Variants in SPATA17 observed in about 807,000 individuals in gnomAD.
SPATA17 encodes the protein spermatogenesis associated 17.
A neutral mutation model predicts 62.2 loss-of-function variants in SPATA17; 53 were observed. The ratio of observed to expected loss-of-function variants is 0.85; its 90% CI spans 0.68 to 1.07. The LOEUF (loss-of-function observed/expected upper bound fraction) is 1.07, where lower values mean the gene tolerates loss of function less well. SPATA17 is among the 50% of genes least tolerant of loss of function. The probability of loss-of-function intolerance (pLI) is 0.00; values close to 1 mark genes in which losing one functional copy is unlikely to be tolerated. For missense variants in SPATA17, 466 were observed against 425.5 expected (o/e 1.10, Z -0.84); for synonymous variants, 146 against 146.8 (o/e 0.99, Z 0.04).
At chr1:217,761,470 A>G (rs1265627620) in intron 6 of SPATA17, among the ~76,000 whole-genome samples, 2 of 152,170 alleles carry the variant, frequency 1.3e-5, no homozygotes, top group East Asian at 1.9e-4. Flanking sequence ...TCCAATATAC[A>G]TATACATATA....
intron 5 of SPATA17, among the ~76,000 whole-genome samples, chr1:217,687,752 T>A (rs2102909566): frequency 6.6e-6 from 1 of 152,308 alleles, no homozygotes; most frequent in Non-Finnish European, 1.5e-5. Flanking sequence ...TGTATCTCTG[T>A]CATTAGTTAA....
intron 5 of SPATA17, among the ~76,000 whole-genome samples, chr1:217,686,236 C>T (rs1344880787): frequency 6.6e-6 from 1 of 152,044 alleles, no homozygotes; most frequent in Non-Finnish European, 1.5e-5. Flanking sequence ...AAAATAAATA[C>T]TTTATAAAAC....
At chr1:217,768,650 A>G (rs1339776757) in intron 6 of SPATA17, among the ~76,000 whole-genome samples, 1 of 151,512 alleles carries the variant, frequency 6.6e-6, no homozygotes, top group Admixed American at 6.6e-5. Context: ...CCACCACCAC[A>G]CCCAGCTAAT....
At chr1:217,865,789 C>T (rs1675998893) in intron 10 of SPATA17, among the ~76,000 whole-genome samples, 1 of 152,178 alleles carries the variant, frequency 6.6e-6, no homozygotes, top group South Asian at 2.1e-4. Context: ...TCATGCATTA[C>T]AGGCTTCCCA....
At chr1:217,830,013 CCTAAA>C (rs1675096152) in intron 9 of SPATA17, among the ~76,000 whole-genome samples, 1 of 151,798 alleles carries the variant, frequency 6.6e-6, no homozygotes, top group African/African-American at 2.4e-5. Flanking sequence ...ATATGTATCC[CCTAAA>C]CTAATGTTGT....
chr1:217,661,146 A>G (rs1224514554), intron 3 of SPATA17, among the ~76,000 whole-genome samples: 1 of 152,162 alleles, frequency 6.6e-6, no homozygotes, highest in Admixed American at 6.6e-5. Context: ...AGGATTTTCT[A>G]CCTAATGAAA....
At chr1:217,824,257 A>G (rs1674935070) in intron 9 of SPATA17, among the ~76,000 whole-genome samples, 2 of 151,650 alleles carry the variant, frequency 1.3e-5, no homozygotes, top group East Asian at 1.9e-4. Context: ...TTACTATTTT[A>G]TTTACTTTGG....
chr1:217,850,845 G>A (rs954503169), intron 9 of SPATA17, among the ~76,000 whole-genome samples: 9 of 152,056 alleles, frequency 5.9e-5, no homozygotes, highest in Non-Finnish European at 1.2e-4. Flanking sequence ...TTACCATCTA[G>A]TGGATGAGAT....
chr1:217,638,653 G>C (rs1021901854), intron 1 of SPATA17, among the ~76,000 whole-genome samples: 8 of 152,180 alleles, frequency 5.3e-5, no homozygotes, highest in South Asian at 4.1e-4. Context: ...GGAAATGTTA[G>C]TTTGGAGGAA....
intron 5 of SPATA17, among the ~76,000 whole-genome samples, chr1:217,733,639 G>T (rs1400209338): frequency 6.6e-6 from 1 of 152,072 alleles, no homozygotes; most frequent in African/African-American, 2.4e-5. Context: ...AAACATATTT[G>T]TGAATACCTG....
At chr1:217,857,917 G>C (rs1675818252) in intron 9 of SPATA17, among the ~76,000 whole-genome samples, 1 of 152,088 alleles carries the variant, frequency 6.6e-6, no homozygotes, top group Admixed American at 6.6e-5. Flanking sequence ...ACCAAGTTTT[G>C]GTTACCATTG....
At chr1:217,840,822 G>A (rs11805671) in intron 9 of SPATA17, among the ~76,000 whole-genome samples, 12,238 of 151,924 alleles carry the variant, frequency 0.081, 577 homozygotes, top group African/African-American at 0.13. Flanking sequence ...TTGCATCATT[G>A]CACTCCAGCC....
chr1:217,684,618 G>A (rs919827289), intron 5 of SPATA17, among the ~76,000 whole-genome samples: 8 of 152,018 alleles, frequency 5.3e-5, no homozygotes, highest in African/African-American at 1.9e-4. Context: ...ATTTCGTCAT[G>A]TTGGCCAGGC....
rs962585775 is a variant in SPATA17, at chr1:217,868,610, T to G, written c.*1591T>G. The G allele has an allele frequency of 4.6e-5, 7 of 150,550 alleles. No individual in the cohort carries two copies. Among genetic ancestry groups the G allele is most frequent in the African/African-American group, 1.7e-4 (7 of 41,216 alleles). The allele number at this position is 150,550 out of a possible 1,614,324, so 9.3% of individuals were successfully genotyped here. A position where few individuals can be genotyped will look rare whatever the true frequency, so the allele number is the denominator to read the frequency against. The stretch of plus-strand genomic sequence containing the variant: ...AAAAACTGAATAGTTGTATGCATAC[T>G]CAAAGTATGGTTTCTACTGAATGCA... On this transcript the variant is annotated 3_prime_UTR_variant, in exon 11 of 11. Coordinates refer to ENST00000366933, the MANE Select transcript of SPATA17 (RefSeq NM_138796.4).
intron 9 of SPATA17, among the ~76,000 whole-genome samples, chr1:217,856,303 G>C (rs1449718891): frequency 6.6e-6 from 1 of 152,108 alleles, no homozygotes; most frequent in East Asian, 1.9e-4. Context: ...GCTTCACATG[G>C]ATAAACTCAT....
At chr1:217,787,406 T>C (rs1258194115) in intron 8 of SPATA17, among the ~76,000 whole-genome samples, 1 of 152,180 alleles carries the variant, frequency 6.6e-6, no homozygotes, top group African/African-American at 2.4e-5. Flanking sequence ...CTTATTTCTC[T>C]AGCTAATTTT....
chr1:217,757,448 T>C (rs1673074760), intron 6 of SPATA17, among the ~76,000 whole-genome samples: 1 of 152,140 alleles, frequency 6.6e-6, no homozygotes. Flanking sequence ...AAAGGATATT[T>C]GCTTCCCATA....
intron 5 of SPATA17, among the ~76,000 whole-genome samples, chr1:217,733,711 A>T (rs1672447853): frequency 6.6e-6 from 1 of 152,208 alleles, no homozygotes; most frequent in East Asian, 1.9e-4. Context: ...TAGCTTAGAT[A>T]TTTTTGAAGA....
intron 7 of SPATA17, among the ~76,000 whole-genome samples, chr1:217,779,621 T>C (rs1242079985): frequency 1.3e-5 from 2 of 152,026 alleles, no homozygotes; most frequent in Admixed American, 6.6e-5. Context: ...TTTTCTTTTC[T>C]CTTTCCCTTC....
Sources: gnomAD v4.1 joint callset for allele counts (sites outside exome capture counted in the v4.1 genomes callset) on GRCh38, gnomAD v4.1.1 for gene constraint, MANE v1.5 for transcripts, NCBI Gene and HGNC (gene_info 2026-07-23, HGNC 2026-07-21) for gene names.